Variants in AKAP9 observed in about 807,000 individuals in gnomAD.
The protein encoded by AKAP9 is A-kinase anchoring protein 9, also known as A-kinase anchor protein 9.
In AKAP9, 311 loss-of-function variants were observed where a neutral mutation model predicts 488.5. The ratio of observed to expected loss-of-function variants is 0.64; its 90% CI spans 0.58 to 0.70. The LOEUF is 0.70. Among genes scored for constraint, AKAP9 ranks in the 30% least tolerant of loss-of-function variants. The pLI, the probability that AKAP9 is intolerant of heterozygous loss-of-function variation, is 0.00. For missense variants in AKAP9, 4,215 were observed against 4,374.5 expected, an observed-to-expected ratio of 0.96 and a Z score of 1.03; for synonymous variants, 1,462 against 1,483.5, an observed-to-expected ratio of 0.99 and a Z score of 0.33.
At position 92,001,784 on chromosome 7, in the gene AKAP9, G is replaced by A; in HGVS notation, c.1867G>A (p.Glu623Lys). 1 of 1,613,404 alleles carries A rather than the reference G, an allele frequency of 6.2e-7. No individual in the cohort carries two copies. The highest frequency in any genetic ancestry group is 1.1e-5 in the South Asian group (1 of 91,042). ...RMAESQEAEL[E>K]RLRTQLLFSH... ...GGCTGAATCACAAGAAGCTGAATTA[G>A]AGAGGCTGAGAACACAGCTTCTATT... Residue 623 changes from glutamate (E) to lysine (K), a missense_variant, in exon 8 of 50, where the codon GAG (glutamate) becomes AAG (lysine). Glu to Lys is a moderately conservative substitution (Grantham distance 56). Around this residue, in one of 5 missense-constraint regions of AKAP9, gnomAD observed 2,361 missense variants for 2,430.0 expected, o/e 0.97. Coordinates refer to ENST00000356239, the MANE Select transcript of AKAP9 (RefSeq NM_005751.5).
Position 91,942,645 on chromosome 7 carries a change from ATGTG to A in AKAP9, c.48+1499_48+1502del, listed in dbSNP as rs1790917968. On this transcript the variant is annotated intron_variant, in intron 1 of 49. Transcript: ENST00000356239. Reference sequence around the variant, plus strand: ...CCCCAGAAATGTCTTTCCTGAATATATGTGAAGCAGTCCTACAAAACATGGTTTA... The same window carrying A: ...CCCCAGAAATGTCTTTCCTGAATATAAAGCAGTCCTACAAAACATGGTTTA... Among the ~76,000 whole-genome samples, 4 of 152,336 alleles carry A rather than the reference ATGTG, an allele frequency of 2.6e-5. 1 individual carries two copies.
chr7:92,046,580 CTGAAATAATACTGAATTT>C (rs1384336549), intron 21 of AKAP9, among the ~76,000 whole-genome samples: 1 of 152,130 alleles, frequency 6.6e-6, no homozygotes, highest in Non-Finnish European at 1.5e-5. Flanking sequence ...AAATTAAGAG[CTGAAATAATACTGAATTT>C]TAAACCTTGC....
chr7:91,952,985 T>G (rs1792452280), intron 1 of AKAP9, among the ~76,000 whole-genome samples: 1 of 152,158 alleles, frequency 6.6e-6, no homozygotes. Context: ...CCTGGCTTAT[T>G]GATGAGTGTT....
Position 92,017,016 on chromosome 7 carries a change from G to T in AKAP9, c.3752-1G>T. On this transcript the variant is annotated splice_acceptor_variant, in intron 11 of 49. Coordinates refer to ENST00000356239, the MANE Select transcript of AKAP9 (RefSeq NM_005751.5). LOFTEE classifies it high-confidence loss of function. The stretch of plus-strand genomic sequence containing the variant: ...ATTGTAATTGTTTGTTTACCATCCA[G>T]ACTTTCAAGAAAATATGCACACTCT... 6.4e-7 allele frequency: 1 copy of T among 1,561,848 alleles called. No homozygotes were observed. The highest frequency in any genetic ancestry group is 1.1e-5 in the South Asian group (1 of 87,512).
chr7:91,997,175 C>A (rs1350990124), intron 7 of AKAP9, among the ~76,000 whole-genome samples: 1 of 152,138 alleles, frequency 6.6e-6, no homozygotes, highest in African/African-American at 2.4e-5. Flanking sequence ...TTACAGAACA[C>A]CTATTTTTGT....
intron 1 of AKAP9, among the ~76,000 whole-genome samples, chr7:91,951,315 C>A (rs1374539563): frequency 1.3e-5 from 2 of 151,506 alleles, no homozygotes; most frequent in Non-Finnish European, 2.9e-5. Context: ...TCTTTTATTT[C>A]TCTTTTTTTT....
intron 3 of AKAP9, among the ~76,000 whole-genome samples, chr7:91,986,412 G>C (rs922096061): frequency 1.3e-5 from 2 of 152,138 alleles, no homozygotes; most frequent in African/African-American, 4.8e-5. Context: ...CCCACTGTCC[G>C]ACCAGTCCCA....
intron 9 of AKAP9, 47 bp from the exon 10 acceptor site, chr7:92,014,202 C>A: frequency 7.8e-7 from 1 of 1,288,248 alleles, no homozygotes; most frequent in Non-Finnish European, 1.1e-6. Flanking sequence ...GATCATAGTT[C>A]TTAAGTATGT....
At chr7:92,061,460 T>C (rs1563068935) in intron 23 of AKAP9, 38 bp downstream of exon 23, 1 of 1,609,762 alleles carries the variant, frequency 6.2e-7, no homozygotes, top group Non-Finnish European at 8.5e-7. Context: ...GGTAGAGAAA[T>C]TTCAGTCTTA....
chr7:91,994,573 A>G, intron 5 of AKAP9, 48 bp from the exon 6 acceptor site: 1 of 1,483,724 alleles, frequency 6.7e-7, no homozygotes, highest in Non-Finnish European at 9.2e-7. Flanking sequence ...TACCTGTAAT[A>G]ATAGTCAATT....
intron 1 of AKAP9, among the ~76,000 whole-genome samples, chr7:91,964,546 CTATG>C (rs561090619): frequency 3.1e-4 from 47 of 152,138 alleles, no homozygotes; most frequent in Non-Finnish European, 5.7e-4. Context: ...GACTTCACCA[CTATG>C]TAATATATCG....
chr7:92,000,286 A>G (rs1798987254), intron 7 of AKAP9, among the ~76,000 whole-genome samples: 1 of 152,224 alleles, frequency 6.6e-6, no homozygotes, highest in Non-Finnish European at 1.5e-5. Flanking sequence ...CCTTTTAAGC[A>G]TTGCATATCT....
chr7:92,077,389 C>G (rs1035108848), intron 29 of AKAP9, among the ~76,000 whole-genome samples: 2 of 152,042 alleles, frequency 1.3e-5, no homozygotes, highest in Non-Finnish European at 2.9e-5. Flanking sequence ...CCACACCTGG[C>G]CCCTATATTG....
intron 1 of AKAP9, among the ~76,000 whole-genome samples, chr7:91,964,197 A>C (rs1427739620): frequency 6.6e-6 from 1 of 152,192 alleles, no homozygotes; most frequent in Non-Finnish European, 1.5e-5. Context: ...TACAAGTACA[A>C]TGTTATTAAA....
At chr7:91,946,855 A>G (rs1791516339) in intron 1 of AKAP9, among the ~76,000 whole-genome samples, 1 of 152,216 alleles carries the variant, frequency 6.6e-6, no homozygotes, top group Non-Finnish European at 1.5e-5. Context: ...TTTTTCAAAC[A>G]AAAACATCTC....
At chr7:91,949,950 G>A (rs1791987205) in intron 1 of AKAP9, among the ~76,000 whole-genome samples, 1 of 152,064 alleles carries the variant, frequency 6.6e-6, no homozygotes. Context: ...AAAAGTCTAA[G>A]AGTTTTTCCC....
At chr7:91,972,760 A>C (rs1433512693) in intron 1 of AKAP9, among the ~76,000 whole-genome samples, 1 of 152,216 alleles carries the variant, frequency 6.6e-6, no homozygotes, top group Admixed American at 6.5e-5. Flanking sequence ...TCTTAAAATA[A>C]ATTTAAATAA....
At chr7:91,977,936 A>G (rs1795907925) in intron 2 of AKAP9, among the ~76,000 whole-genome samples, 1 of 152,056 alleles carries the variant, frequency 6.6e-6, no homozygotes, top group African/African-American at 2.4e-5. Flanking sequence ...TCATGAAAGT[A>G]TTTCAGATTT....
chr7:91,973,141 T>A (rs1014176957), intron 1 of AKAP9, among the ~76,000 whole-genome samples: 4 of 152,168 alleles, frequency 2.6e-5, no homozygotes, highest in Non-Finnish European at 5.9e-5. Context: ...TTGGGGAGGC[T>A]GAGGCAGGCG....
Sources: gnomAD v4.1 joint callset for allele counts (sites outside exome capture counted in the v4.1 genomes callset) on GRCh38, gnomAD v4.1.1 for gene constraint, gnomAD v4.1.1 regional missense constraint, MANE v1.5 for transcripts, NCBI Gene and HGNC (gene_info 2026-07-23, HGNC 2026-07-21) for gene names.